PKN3: variants seen among roughly 807,000 people sequenced by gnomAD.
PKN3 encodes the protein serine/threonine-protein kinase N3.
In PKN3, 91 loss-of-function variants were observed where a neutral mutation model predicts 113.1. That is an observed-to-expected ratio of 0.80 (90% CI 0.68 to 0.96). PKN3 has a LOEUF of 0.96. PKN3 is among the 40% of genes least tolerant of loss of function. The pLI is 0.00. For missense variants in PKN3, 1,052 were observed against 1,202.2 expected, an observed-to-expected ratio of 0.88 and a Z score of 1.85; for synonymous variants, 467 against 499.0, an observed-to-expected ratio of 0.94 and a Z score of 0.85.
At chr9:128,704,680 G>A (rs927381697) in intron 1 of PKN3, among the ~76,000 whole-genome samples, 4 of 152,110 alleles carry the variant, frequency 2.6e-5, no homozygotes, top group African/African-American at 9.7e-5. Context: ...AGCACTTTGG[G>A]AGGCCAAGGC....
Position 128,720,500 on chromosome 9 carries a change from T to G in PKN3, c.2564T>G (p.Leu855Arg). Reference protein sequence around the residue: ...LRYFEGEFTGLPPALTPPAPH... With the variant: ...LRYFEGEFTGRPPALTPPAPH... ...TACTTTGAGGGCGAGTTCACAGGGC[T>G]GCCGCCTGCCCTGACCCCACCTGCA... Residue 855 changes from leucine to arginine, a missense_variant, in exon 22 of 22, where the codon CTG becomes CGG. By Grantham distance (102) the Leu-to-Arg change is moderately radical. Transcript: ENST00000291906. The surrounding 1 kb of genome is among the most constrained non-coding windows in gnomAD (Gnocchi z 5.5). 1 of 1,613,160 alleles carries G rather than the reference T, an allele frequency of 6.2e-7. No homozygotes were observed.
intron 16 of PKN3, 59 bp from the exon 17 acceptor site, chr9:128,718,266 C>A: frequency 7.0e-7 from 1 of 1,424,354 alleles, no homozygotes; most frequent in Non-Finnish European, 9.9e-7. Context: ...TGGTGCCTCC[C>A]TGCCCTGCCT....
Position 128,716,597 on chromosome 9 carries a change from CAAA to C in PKN3, c.1809-136_1809-134del. ...CAGGCGACAGAGCAAGACTGTGTCTCAAAAAAAAAAAAAAAATGAAAAGAAACC... is the reference window on the plus strand; with the variant it reads ...CAGGCGACAGAGCAAGACTGTGTCTCAAAAAAAAAAAAATGAAAAGAAACC... On this transcript the variant is annotated intron_variant, in intron 15 of 21. Transcript: ENST00000291906. 4 of 566,414 alleles carry C rather than the reference CAAA, an allele frequency of 7.1e-6. No individual in the cohort carries two copies. In the African/African-American group the frequency reaches 7.9e-5, roughly 11 times the overall value. The allele number at this position is 566,414 out of a possible 1,614,324, so 35.1% of individuals were successfully genotyped here. A position where few individuals can be genotyped will look rare whatever the true frequency, so the allele number is the denominator to read the frequency against.
chr9:128,716,522 C>G (rs1162016816), intron 15 of PKN3, among the ~76,000 whole-genome samples: 1 of 151,260 alleles, frequency 6.6e-6, no homozygotes, highest in Non-Finnish European at 1.5e-5. Flanking sequence ...CTCTTGAACC[C>G]GGGAGGCAGA....
chr9:128,720,006 T>C lies in PKN3; in HGVS notation c.2365T>C (p.Phe789Leu), dbSNP rs753746649. 6.8e-6 allele frequency: 11 copies of C among 1,613,424 alleles called. No individual in the cohort carries two copies. The highest frequency in any genetic ancestry group is 9.3e-6 in the Non-Finnish European group (11 of 1,179,722). ...CTTTCTGTCGGTGCAAGGGCTTGAGTTCATTCAGAAGGTAAGCACTGCGGG... is the reference window on the plus strand; with the variant it reads ...CTTTCTGTCGGTGCAAGGGCTTGAGCTCATTCAGAAGGTAAGCACTGCGGG... ...PGFLSVQGLE[F>L]IQKLLQKCPE... is the part of the protein sequence containing the mutation. Residue 789 changes from phenylalanine to leucine, a missense_variant, in exon 20 of 22, where the codon TTC becomes CTC. Transcript: ENST00000291906. This position sits in a 1 kb window ranked among gnomAD's most constrained non-coding sequence, Gnocchi z 5.5.
rs759554821 is a variant in PKN3, at chr9:128,720,254, G to A, written c.2428G>A (p.Glu810Lys). The A allele has an allele frequency of 2.4e-5, 39 of 1,613,868 alleles. No individual in the cohort carries two copies. The highest frequency in any genetic ancestry group is 4.5e-5 in the East Asian group (2 of 44,872). ...CCTCGGGGCAGGTGAGCAGGATGCCGAGGAGATCAAGGTCCAGCCATTCTT... is the reference window on the plus strand; with the variant it reads ...CCTCGGGGCAGGTGAGCAGGATGCCAAGGAGATCAAGGTCCAGCCATTCTT... Reference protein sequence around the residue: ...KRLGAGEQDAEEIKVQPFFRT... With the variant: ...KRLGAGEQDAKEIKVQPFFRT... The change falls in exon 21 of 22, where the codon GAG becomes AAG. Residue 810 changes from glutamate (E) to lysine (K), a missense_variant. By Grantham distance (56) the Glu-to-Lys change is moderately conservative. This residue lies in a region of PKN3 where 333 missense variants were observed against 442.8 expected (regional missense o/e 0.75). Transcript: ENST00000291906. This position sits in a 1 kb window ranked among gnomAD's most constrained non-coding sequence, Gnocchi z 5.5.
chr9:128,709,037 G>A (rs1024562727), intron 6 of PKN3, among the ~76,000 whole-genome samples: 5 of 152,058 alleles, frequency 3.3e-5, no homozygotes, highest in African/African-American at 1.2e-4. Context: ...TGTAATCCCA[G>A]CACTTTGGGA....
chr9:128,706,890 C>T lies in PKN3; in HGVS notation c.524-6C>T, dbSNP rs2132289508. Reference sequence around the variant, plus strand: ...CAGGGCCTGAGAGCCGCCGTCCTTCCCACAGGGCCTGAGCTGCTGGCGGAG... The same window carrying T: ...CAGGGCCTGAGAGCCGCCGTCCTTCTCACAGGGCCTGAGCTGCTGGCGGAG... On this transcript the variant is annotated splice_polypyrimidine_tract_variant and splice_region_variant and intron_variant, in intron 4 of 21. Transcript: ENST00000291906. 1.2e-6 allele frequency: 2 copies of T among 1,614,076 alleles called. No homozygotes were observed. Among genetic ancestry groups the T allele is most frequent in the Non-Finnish European group, 1.7e-6 (2 of 1,180,010 alleles).
intron 3 of PKN3, among the ~76,000 whole-genome samples, 188 bp from the exon 4 acceptor site, chr9:128,706,525 T>C (rs1455682630): frequency 6.6e-6 from 1 of 152,216 alleles, no homozygotes; most frequent in Non-Finnish European, 1.5e-5. Flanking sequence ...CCAGCCCTTG[T>C]TGGTCAGATG....
rs779458392 is a variant in PKN3 at position 128,720,439 on chromosome 9, T to G, written c.2503T>G (p.Phe835Val). 2 of 1,613,190 alleles carry G rather than the reference T, an allele frequency of 1.2e-6. No homozygotes were observed. Among genetic ancestry groups the G allele is most frequent in the East Asian group, 4.5e-5 (2 of 44,864 alleles). Residue 835 changes from phenylalanine to valine, a missense_variant, in exon 22 of 22, where the codon TTC becomes GTC. Transcript: ENST00000291906. The surrounding 1 kb of genome is among the most constrained non-coding windows in gnomAD (Gnocchi z 5.5). ...GCTCGCCCGCACCATCCAGCCCCCC[T>G]TCGTGCCTACCCTGTGTGGCCCTGC... ...ALLARTIQPP[F>V]VPTLCGPADL...
chr9:128,706,390 C>CA (rs1862018256), intron 3 of PKN3, among the ~76,000 whole-genome samples: 1 of 151,920 alleles, frequency 6.6e-6, no homozygotes, highest in South Asian at 2.1e-4. Context: ...GAGGCATGAC[C>CA]ACAGCCCTGA....
intron 6 of PKN3, among the ~76,000 whole-genome samples, chr9:128,709,023 C>T (rs1420913146): frequency 9.9e-5 from 15 of 151,548 alleles, no homozygotes; most frequent in African/African-American, 3.4e-4. Context: ...CGGTGGCTCA[C>T]GCCTGTAATC....
rs146395892 is a variant in PKN3 at position 128,720,487 on chromosome 9, G to A, written c.2551G>A (p.Glu851Lys). The change falls in exon 22 of 22, where the codon GAG becomes AAG. Residue 851 changes from glutamate to lysine, a missense_variant. Glu to Lys is a moderately conservative substitution (Grantham distance 56, BLOSUM62 1). Coordinates refer to ENST00000291906, the MANE Select transcript of PKN3 (RefSeq NM_013355.5). The surrounding 1 kb of genome is among the most constrained non-coding windows in gnomAD (Gnocchi z 5.5). ...TGCGGACCTGCGCTACTTTGAGGGC[G>A]AGTTCACAGGGCTGCCGCCTGCCCT... ...GPADLRYFEG[E>K]FTGLPPALTP... 25 of 1,613,006 alleles carry A rather than the reference G, an allele frequency of 1.5e-5. No individual in the cohort carries two copies. Among genetic ancestry groups the A allele is most frequent in the African/African-American group, 5.3e-5 (4 of 74,904 alleles).
chr9:128,714,648 C>A lies in PKN3; in HGVS notation c.1568C>A (p.Thr523Lys). The change falls in exon 12 of 22, where the codon ACA becomes AAA. Residue 523 changes from threonine (T) to lysine (K), a missense_variant. Physicochemically the swap from Thr to Lys is moderately conservative, Grantham distance 78. This residue lies in a region of PKN3 where 719 missense variants were observed against 759.4 expected (regional missense o/e 0.95). Transcript: ENST00000291906. ...CGCCTCTACCTCCCCCAGGAGCCAA[C>A]ATCCGAGGAGACTCCGGTGAGGGGC... is the stretch of plus-strand genomic sequence containing the variant. ...PPRLYLPQEP[T>K]SEETPRTKRP... The A allele has an allele frequency of 6.9e-7, 1 of 1,439,934 alleles. No homozygotes were observed. The highest frequency in any genetic ancestry group is 9.8e-7 in the Non-Finnish European group (1 of 1,021,598). 89.2% of individuals were successfully genotyped at this position (1,439,934 alleles called of 1,614,324 possible).
rs1325017165 is a variant in PKN3 at position 128,706,729 on chromosome 9, C to A, written c.428C>A (p.Ala143Glu). 1 of 1,584,992 alleles carries A rather than the reference C, an allele frequency of 6.3e-7. No homozygotes were observed. The highest frequency in any genetic ancestry group is 2.3e-5 in the East Asian group (1 of 44,214). Residue 143 changes from alanine (A) to glutamate (E), a missense_variant, in exon 4 of 22, where the codon GCA becomes GAA. Ala to Glu is a moderately radical substitution (Grantham distance 107). This residue lies in a region of PKN3 where 719 missense variants were observed against 759.4 expected (regional missense o/e 0.95). Coordinates refer to ENST00000291906, the MANE Select transcript of PKN3 (RefSeq NM_013355.5). ...GCTCCATAGGAGAGGAAGCTCCTGGCAGCTGCCCAGCAGATGCTGCGGGAC... is the reference window on the plus strand; with the variant it reads ...GCTCCATAGGAGAGGAAGCTCCTGGAAGCTGCCCAGCAGATGCTGCGGGAC... ...SGTPKERKLLAAAQQMLRDSQ... is the reference protein window; with the variant it reads ...SGTPKERKLLEAAQQMLRDSQ...
At chr9:128,704,497 A>G (rs1380827433) in intron 1 of PKN3, among the ~76,000 whole-genome samples, 1 of 152,112 alleles carries the variant, frequency 6.6e-6, no homozygotes, top group East Asian at 1.9e-4. Flanking sequence ...TCCCAGATGT[A>G]GAGAGAGCAG....
intron 1 of PKN3, chr9:128,704,004 T>C: frequency 1.0e-6 from 1 of 985,460 alleles, no homozygotes; most frequent in Non-Finnish European, 1.2e-6. Context: ...GAGGATTTCC[T>C]GAGCCTCGCC....
Position 128,715,085 on chromosome 9 carries a change from G to A in PKN3, c.1653-87G>A. On this transcript the variant is annotated intron_variant, in intron 13 of 21. Coordinates refer to ENST00000291906, the MANE Select transcript of PKN3 (RefSeq NM_013355.5). The surrounding 1 kb of genome is among the most constrained non-coding windows in gnomAD (Gnocchi z 4.1). ...GAGCCCATAGGTCGGGACAGCCCAG[G>A]ACTGGGCATGGGAGGCTTGGAGTGG... The A allele has an allele frequency of 7.1e-7, 1 of 1,402,020 alleles. No homozygotes were observed. Among genetic ancestry groups the A allele is most frequent in the African/African-American group, 1.4e-5 (1 of 70,822 alleles). The allele number at this position is 1,402,020 out of a possible 1,614,324, so 86.8% of individuals were successfully genotyped here.
At chr9:128,717,762 G>A (rs1442384011) in intron 16 of PKN3, among the ~76,000 whole-genome samples, 1 of 144,544 alleles carries the variant, frequency 6.9e-6, no homozygotes, top group Non-Finnish European at 1.5e-5. Flanking sequence ...GTTCATGCCT[G>A]TAATCCCCAC....
Sources: gnomAD v4.1 joint callset for allele counts (sites outside exome capture counted in the v4.1 genomes callset) on GRCh38, gnomAD v4.1.1 for gene constraint, gnomAD v4.1.1 regional missense constraint, Gnocchi (gnomAD v3.1) non-coding constraint, MANE v1.5 for transcripts, NCBI Gene and HGNC (gene_info 2026-07-23, HGNC 2026-07-21) for gene names.